GLIPR1: variants seen among roughly 807,000 people sequenced by gnomAD.
GLIPR1 encodes the protein GLI pathogenesis related 1.
In GLIPR1, 38 loss-of-function variants were observed where a neutral mutation model predicts 30.3. That is an observed-to-expected ratio of 1.26 (90% CI 0.97 to 1.65). The LOEUF is 1.65. Ranked by LOEUF, GLIPR1 falls within the 40% of genes most tolerant of loss-of-function variation. The probability of loss-of-function intolerance (pLI) is 0.00; values close to 1 mark genes in which losing one functional copy is unlikely to be tolerated. For synonymous variants in GLIPR1, 122 were observed against 110.6 expected (o/e 1.10, Z -0.65); for missense variants, 285 against 326.5 (o/e 0.87, Z 0.98).
At chr12:75,497,934 C>G (rs10748281) in intron 4 of GLIPR1, 136,249 of 152,154 alleles carry the variant, frequency 0.9, 61,149 homozygotes, top group East Asian at 1. Context: ...TTGATTTCAT[C>G]GACATAACTG....
intron 4 of GLIPR1, chr12:75,497,755 CAATA>C (rs1306504115): frequency 6.6e-6 from 1 of 152,026 alleles, no homozygotes; most frequent in Non-Finnish European, 1.5e-5. Context: ...GCTGGTAGTT[CAATA>C]AATACCCTTG....
At position 75,498,498 on chromosome 12, in the gene GLIPR1, A is replaced by G. The variant is rs563640175; in HGVS notation, c.620-196A>G. On this transcript the variant is annotated intron_variant, in intron 4 of 5. Coordinates refer to ENST00000266659, the MANE Select transcript of GLIPR1 (RefSeq NM_006851.3). ...TTTTTATAAAAGGTTTATAAAGTTT[A>G]TGTAAAAAGTCAACTTAAAAATACC... The G allele has an allele frequency of 7.6e-5, 40 of 525,640 alleles. No individual in the cohort carries two copies. In the Admixed American group the frequency reaches 1.4e-3, roughly 18 times the overall value. 32.6% of individuals were successfully genotyped at this position (525,640 alleles called of 1,614,324 possible). A position where few individuals can be genotyped will look rare whatever the true frequency, so the allele number is the denominator to read the frequency against.
At position 75,500,484 on chromosome 12, in the gene GLIPR1, T is replaced by G. The variant is rs983249051; in HGVS notation, c.*1506T>G. On this transcript the variant is annotated 3_prime_UTR_variant, in exon 6 of 6. Transcript: ENST00000266659. Reference sequence around the variant, plus strand: ...ATATTAATTCAATATTAATTGAATATTCAATGAATTAATTCATTTAATGTT... The same window carrying G: ...ATATTAATTCAATATTAATTGAATAGTCAATGAATTAATTCATTTAATGTT... The G allele has an allele frequency of 4.8e-5, 5 of 104,784 alleles. No homozygotes were observed. The highest frequency in any genetic ancestry group is 1.3e-4 in the African/African-American group (5 of 37,628). The allele number at this position is 104,784 out of a possible 1,614,324, so 6.5% of individuals were successfully genotyped here.
chr12:75,481,357 C>CTTTTTTTTTTTTTTTTTTTTTTT (rs72137011), intron 1 of GLIPR1: 3 of 144,300 alleles, frequency 2.1e-5, no homozygotes, highest in Non-Finnish European at 4.2e-5. Flanking sequence ...ATTTGGTTTT[C>CTTTTTTTTTTTTTTTTTTTTTTT]TTTTTTTTTT....
At chr12:75,491,658 G>A (rs996764617) in intron 3 of GLIPR1, 5 of 151,934 alleles carry the variant, frequency 3.3e-5, no homozygotes, top group African/African-American at 1.2e-4. Context: ...TGATGGAAAT[G>A]GCATTTCATT....
chr12:75,493,334 A>G (rs1278766273), intron 3 of GLIPR1: 5 of 152,238 alleles, frequency 3.3e-5, no homozygotes, highest in South Asian at 2.1e-4. Context: ...CCTATACACA[A>G]AAAGTTGTAG....
Position 75,490,490 on chromosome 12 carries a change from G to A in GLIPR1, c.505G>A (p.Ala169Thr), listed in dbSNP as rs1209546456. 1.4e-6 allele frequency: 2 copies of A among 1,408,810 alleles called. No individual in the cohort carries two copies. Among genetic ancestry groups the A allele is most frequent in the Non-Finnish European group, 1.9e-6 (2 of 1,057,560 alleles). 87.3% of individuals were successfully genotyped at this position (1,408,810 alleles called of 1,614,324 possible). A position where few individuals can be genotyped will look rare whatever the true frequency, so the allele number is the denominator to read the frequency against. Residue 169 changes from alanine (A) to threonine (T), a missense_variant, in exon 3 of 6, where the codon GCA becomes ACA. Coordinates refer to ENST00000266659, the MANE Select transcript of GLIPR1 (RefSeq NM_006851.3). ...TGGCTTTGACGCTCTTTCCAATGGAGCACATTTTATATGCAACTACGGACC... is the reference window on the plus strand; with the variant it reads ...TGGCTTTGACGCTCTTTCCAATGGAACACATTTTATATGCAACTACGGACC... ...VSGFDALSNG[A>T]HFICNYGPGG...
rs1411776262 is a variant in GLIPR1 at position 75,499,871 on chromosome 12, T to C, written c.*893T>C. 2 of 1,609,560 alleles carry C rather than the reference T, an allele frequency of 1.2e-6. No homozygotes were observed. The highest frequency in any genetic ancestry group is 1.3e-5 in the African/African-American group (1 of 74,648). Reference sequence around the variant, plus strand: ...ATCTTAAGTGCAATTTCTTCAGCTGTAAGAGCTCCCAGTTTCTTATTCTTT... The same window carrying C: ...ATCTTAAGTGCAATTTCTTCAGCTGCAAGAGCTCCCAGTTTCTTATTCTTT... On this transcript the variant is annotated 3_prime_UTR_variant, in exon 6 of 6. Coordinates refer to ENST00000266659, the MANE Select transcript of GLIPR1 (RefSeq NM_006851.3).
At chr12:75,495,254 A>AC (rs2046343522) in intron 3 of GLIPR1, 1 of 190,208 alleles carries the variant, frequency 5.3e-6, no homozygotes, top group African/African-American at 2.3e-5. Flanking sequence ...GTTTCCTCTG[A>AC]CTCTGAAGTG....
intron 1 of GLIPR1, chr12:75,481,367 T>C (rs76662464): frequency 2.6e-5 from 4 of 151,482 alleles, no homozygotes; most frequent in Non-Finnish European, 4.7e-5. Context: ...CTTTTTTTTT[T>C]TTTTTTTTTG....
At chr12:75,495,841 G>A (rs2046347440) in intron 4 of GLIPR1, 179 bp downstream of exon 4, 3 of 426,830 alleles carry the variant, frequency 7.0e-6, no homozygotes, top group East Asian at 3.5e-5. Flanking sequence ...ATTTAAATGT[G>A]AAAATCACGT....
At chr12:75,485,533 T>TTTTATTTATTTATTTATTTATTTATTTA (rs149298938) in intron 2 of GLIPR1, among the ~76,000 whole-genome samples, 6 of 110,428 alleles carry the variant, frequency 5.4e-5, no homozygotes, top group African/African-American at 1.8e-4. Context: ...GACAGCTTTA[T>TTTTATTTATTTATTTATTTATTTATTTA]TTTATTTATT....
Position 75,490,553 on chromosome 12 carries a change from C to CA in GLIPR1, c.533+35_533+36insA, listed in dbSNP as rs67003897. On this transcript the variant is annotated intron_variant, in intron 3 of 5. Coordinates refer to ENST00000266659, the MANE Select transcript of GLIPR1 (RefSeq NM_006851.3). ...TGAATCAACCGGTTTATAGGAAACG[C>CA]CCCCCCCCCCCCGCAAAAAAAAACA... 6.2e-4 allele frequency: 43 copies of CA among 69,040 alleles called. 4 individuals are homozygous for CA. In the African/African-American group the frequency reaches 0.012, roughly 19 times the overall value. The allele number at this position is 69,040 out of a possible 1,614,324, so 4.3% of individuals were successfully genotyped here.
At position 75,490,399 on chromosome 12, in the gene GLIPR1, C is replaced by T; in HGVS notation, c.421-7C>T. ...TTTCTCTGTTAAAAATCCTTATTTC[C>T]TTTCAGGTTGTTTGGGCAGATAGTT... is the stretch of plus-strand genomic sequence containing the variant. On this transcript the variant is annotated splice_polypyrimidine_tract_variant and splice_region_variant and intron_variant, in intron 2 of 5. Transcript: ENST00000266659. The T allele has an allele frequency of 6.6e-7, 1 of 1,507,178 alleles. No homozygotes were observed. The highest frequency in any genetic ancestry group is 9.2e-7 in the Non-Finnish European group (1 of 1,084,714). The allele number at this position is 1,507,178 out of a possible 1,614,324, so 93.4% of individuals were successfully genotyped here.
chr12:75,498,665 T>G, intron 4 of GLIPR1, 29 bp from the exon 5 acceptor site: 1 of 1,595,924 alleles, frequency 6.3e-7, no homozygotes, highest in Non-Finnish European at 8.6e-7. Context: ...CCTTTTAATT[T>G]TTTTTCTTTC....
intron 2 of GLIPR1, among the ~76,000 whole-genome samples, chr12:75,488,762 G>C (rs1350826125): frequency 6.6e-6 from 1 of 152,156 alleles, no homozygotes; most frequent in Non-Finnish European, 1.5e-5. Context: ...CTCCAGACCA[G>C]CTCATCCCAG....
In GLIPR1 at chr12:75,498,956, C is replaced by CTAAT; in HGVS notation, c.781_784dup (p.Leu262Ter). ...ACCATTTTGGTACAGCACAAGTACC[C>CTAAT]TAATTTAGTTCTTTTGGACTAATAC... is the stretch of plus-strand genomic sequence containing the variant. On this transcript the variant is annotated frameshift_variant, in exon 6 of 6. Transcript: ENST00000266659. LOFTEE classifies it high-confidence loss of function. 3.1e-6 allele frequency: 5 copies of CTAAT among 1,598,992 alleles called. No individual in the cohort carries two copies. The highest frequency in any genetic ancestry group is 4.3e-6 in the Non-Finnish European group (5 of 1,173,864).
rs370713345 is a variant in GLIPR1, at chr12:75,495,997, G to GTTTT, written c.619+343_619+346dup. 196 of 132,294 alleles carry GTTTT rather than the reference G, an allele frequency of 1.5e-3. 7 individuals are homozygous for GTTTT. Among genetic ancestry groups the GTTTT allele is most frequent in the African/African-American group, 4.0e-3 (136 of 33,670 alleles). The allele number at this position is 132,294 out of a possible 1,614,324, so 8.2% of individuals were successfully genotyped here. A position where few individuals can be genotyped will look rare whatever the true frequency, so the allele number is the denominator to read the frequency against. On this transcript the variant is annotated intron_variant, in intron 4 of 5. Transcript: ENST00000266659. ...TCCAAACAAACAGAATTCTGTTTTC[G>GTTTT]TTTTTTTTTTTGTTTTTTTTTTTTG...
intron 4 of GLIPR1, 132 bp downstream of exon 4, chr12:75,495,794 C>G: frequency 1.7e-6 from 1 of 573,754 alleles, no homozygotes; most frequent in East Asian, 2.9e-5. Flanking sequence ...AGCAATTAAA[C>G]CAATGGCTTA....
Sources: allele counts gnomAD v4.1 joint callset (sites outside exome capture counted in the v4.1 genomes callset), GRCh38; gene constraint gnomAD v4.1.1; transcripts MANE v1.5; gene names NCBI Gene and HGNC (gene_info 2026-07-23, HGNC 2026-07-21).